CYFIP1: variants seen among roughly 807,000 people sequenced by gnomAD.
CYFIP1 encodes cytoplasmic FMR1-interacting protein 1.
Under a neutral mutation model 163.5 loss-of-function variants are expected in CYFIP1, and 58 were observed. The observed-to-expected ratio is 0.35, with a 90% CI of 0.29 to 0.44. The LOEUF is 0.44. Ranked by LOEUF, CYFIP1 falls within the 20% of genes least tolerant of loss-of-function variation. The probability of loss-of-function intolerance (pLI) is 1.00; values close to 1 mark genes in which losing one functional copy is unlikely to be tolerated. For missense variants in CYFIP1, 1,338 were observed against 1,653.8 expected, an observed-to-expected ratio of 0.81 and a Z score of 3.31; for synonymous variants, 663 against 660.7, an observed-to-expected ratio of 1.00 and a Z score of -0.05.
chr15:22,908,599 G>A (rs953764286), intron 21 of CYFIP1, among the ~76,000 whole-genome samples: 1 of 138,844 alleles, frequency 7.2e-6, no homozygotes, highest in African/African-American at 2.8e-5. Flanking sequence ...GCGCGATCTG[G>A]GCTCACTGCA....
At chr15:22,912,509 C>G (rs1203183780) in intron 17 of CYFIP1, 2 of 439,670 alleles carry the variant, frequency 4.5e-6, no homozygotes, top group South Asian at 1.1e-4. Context: ...CACTGAAGGC[C>G]ACACACGGAC....
chr15:22,885,295 G>A (rs1171109635), intron 23 of CYFIP1, among the ~76,000 whole-genome samples: 2 of 152,110 alleles, frequency 1.3e-5, no homozygotes, highest in Non-Finnish European at 2.9e-5. Flanking sequence ...TCTCTAGGGC[G>A]GGGCAAAATG....
In CYFIP1 at chr15:22,947,288, TG is replaced by T. The variant is rs768053626; in HGVS notation, c.-4del. 1.2e-5 allele frequency: 19 copies of T among 1,613,624 alleles called. No individual in the cohort carries two copies. The highest frequency in any genetic ancestry group is 1.6e-5 in the Non-Finnish European group (19 of 1,179,788). The stretch of plus-strand genomic sequence containing the variant: ...TCCAGAGTCACCTGGGCCGCCATCC[TG>T]GGCTGGAACAACACATAAGGACCCC... On this transcript the variant is annotated splice_region_variant and 5_prime_UTR_variant, in exon 2 of 31. Transcript: ENST00000617928.
chr15:22,929,797 G>A (rs56372677), intron 11 of CYFIP1, among the ~76,000 whole-genome samples: 26,247 of 147,836 alleles, frequency 0.18, 2,520 homozygotes, highest in Middle Eastern at 0.22. Context: ...TTAGCCGGGC[G>A]TGGTGGCGGG....
At chr15:22,876,831 T>A (rs1368021762) in intron 26 of CYFIP1, among the ~76,000 whole-genome samples, 2 of 148,036 alleles carry the variant, frequency 1.4e-5, no homozygotes, top group East Asian at 2.0e-4. Flanking sequence ...AACTCCAGTC[T>A]AAAAAAAAAA....
chr15:22,916,838 C>T lies in CYFIP1; in HGVS notation c.1675-208G>A, dbSNP rs564924311. ...AAGAACAACTTGTAGCGGAGCAGTT[C>T]GCCTCCGTGCCATAAACGTCAAGAG... On this transcript the variant is annotated intron_variant, in intron 15 of 30. Coordinates refer to ENST00000617928, the MANE Select transcript of CYFIP1 (RefSeq NM_014608.6). 7.1e-6 allele frequency: 11 copies of T among 1,554,368 alleles called. No homozygotes were observed. The Admixed American group carries it at 9.8e-5, about 14-fold the overall frequency.
At chr15:22,915,108 G>A (rs1023433985) in intron 16 of CYFIP1, 2 of 420,112 alleles carry the variant, frequency 4.8e-6, no homozygotes, top group Non-Finnish European at 8.3e-6. Context: ...GAGCCCTTCA[G>A]TGGGATCCAG....
chr15:22,938,122 A>G, intron 8 of CYFIP1, among the ~76,000 whole-genome samples: 1 of 152,304 alleles, frequency 6.6e-6, no homozygotes, highest in East Asian at 1.9e-4. Context: ...AGAGGTGGAG[A>G]AGAGAGCAAA....
At chr15:22,963,016 C>T (rs568391630) in intron 1 of CYFIP1, among the ~76,000 whole-genome samples, 3 of 152,216 alleles carry the variant, frequency 2.0e-5, no homozygotes, top group Non-Finnish European at 2.9e-5. Context: ...GCACAGGGCT[C>T]GGCAAGCATT....
intron 1 of CYFIP1, among the ~76,000 whole-genome samples, chr15:22,969,964 T>C (rs1251317442): frequency 6.6e-6 from 1 of 152,172 alleles, no homozygotes; most frequent in Non-Finnish European, 1.5e-5. Flanking sequence ...CATGAAACTC[T>C]GGATGACATG....
At chr15:22,974,960 C>G (rs968503423) in intron 1 of CYFIP1, among the ~76,000 whole-genome samples, 5 of 152,048 alleles carry the variant, frequency 3.3e-5, no homozygotes, top group Non-Finnish European at 5.9e-5. Context: ...GCAAAACCAA[C>G]CCATCCACTT....
chr15:22,911,152 G>A (rs371139809), intron 18 of CYFIP1, among the ~76,000 whole-genome samples: 14 of 151,962 alleles, frequency 9.2e-5, no homozygotes, highest in South Asian at 4.2e-4. Context: ...CTCCAGCCTC[G>A]GCGACAGAGC....
chr15:22,959,558 G>A (rs1390642557), intron 1 of CYFIP1, among the ~76,000 whole-genome samples: 7 of 152,310 alleles, frequency 4.6e-5, no homozygotes, highest in African/African-American at 4.8e-5. Flanking sequence ...CCATGGGCTC[G>A]GCTGGGCACC....
chr15:22,922,628 C>G (rs1346784575), intron 13 of CYFIP1, among the ~76,000 whole-genome samples: 3 of 152,186 alleles, frequency 2.0e-5, no homozygotes, highest in Non-Finnish European at 4.4e-5. Flanking sequence ...TTGTCAAACG[C>G]TGTATAAAAA....
intron 1 of CYFIP1, among the ~76,000 whole-genome samples, chr15:22,952,219 G>A (rs941348890): frequency 7.9e-5 from 12 of 152,124 alleles, no homozygotes; most frequent in South Asian, 2.1e-4. Flanking sequence ...AGTGGTGACA[G>A]GGGCTGCGTG....
chr15:22,873,579 C>T lies in CYFIP1; in HGVS notation c.3361G>A (p.Val1121Met), dbSNP rs1191208483. 6.2e-7 allele frequency: 1 copy of T among 1,614,276 alleles called. No individual in the cohort carries two copies. The highest frequency in any genetic ancestry group is 1.6e-4 in the Middle Eastern group (1 of 6,062). Residue 1121 changes from valine (V) to methionine (M), a missense_variant, in exon 29 of 31, where the codon GTG (valine) becomes ATG (methionine). Physicochemically the swap from Val to Met is conservative, Grantham distance 21. Around this residue, in one of 4 missense-constraint regions of CYFIP1, gnomAD observed 306 missense variants for 322.1 expected, o/e 0.95. Coordinates refer to ENST00000617928, the MANE Select transcript of CYFIP1 (RefSeq NM_014608.6). Reference sequence around the variant, plus strand: ...CTGTGAAACTCCACACACTCGTCCACATGCATGACCCCATTGCTGGGCAGA... The same window carrying T: ...CTGTGAAACTCCACACACTCGTCCATATGCATGACCCCATTGCTGGGCAGA... The part of the protein sequence containing the change: ...GPLPSNGVMH[V>M]DECVEFHRLW...
chr15:22,867,962 A>G lies in CYFIP1; in HGVS notation c.*2066T>C, dbSNP rs1462737973. The stretch of plus-strand genomic sequence containing the variant: ...TGAACCTATCCACTCATAACCATTG[A>G]CTGGCCTTTAAAAAAAAGTATTGGC... On this transcript the variant is annotated 3_prime_UTR_variant, in exon 31 of 31. Coordinates refer to ENST00000617928, the MANE Select transcript of CYFIP1 (RefSeq NM_014608.6). 1.3e-5 allele frequency: 2 copies of G among 152,210 alleles called. No individual in the cohort carries two copies. The highest frequency in any genetic ancestry group is 1.5e-5 in the Non-Finnish European group (1 of 68,028). 9.4% of individuals were successfully genotyped at this position (152,210 alleles called of 1,614,324 possible).
chr15:22,946,816 A>G, intron 3 of CYFIP1, 187 bp downstream of exon 3: 1 of 710,762 alleles, frequency 1.4e-6, no homozygotes, highest in East Asian at 2.7e-5. Flanking sequence ...TTGAATTTTC[A>G]GAACCAGCAT....
intron 13 of CYFIP1, among the ~76,000 whole-genome samples, chr15:22,919,600 C>A (rs977129368): frequency 1.3e-5 from 2 of 152,168 alleles, no homozygotes; most frequent in African/African-American, 4.8e-5. Context: ...TCCACCCTGC[C>A]GTGTGGATGT....
Sources: allele counts gnomAD v4.1 joint callset (sites outside exome capture counted in the v4.1 genomes callset), GRCh38; gene constraint gnomAD v4.1.1; regional missense constraint gnomAD v4.1.1; transcripts MANE v1.5; gene names NCBI Gene and HGNC (gene_info 2026-07-23, HGNC 2026-07-21).